ADAMTSL1: variants seen among roughly 807,000 people sequenced by gnomAD.
The protein encoded by ADAMTSL1 is ADAMTS-like protein 1.
A neutral mutation model predicts 201.8 loss-of-function variants in ADAMTSL1; 126 were observed. The ratio of observed to expected loss-of-function variants is 0.62; its 90% CI spans 0.54 to 0.72. The LOEUF (loss-of-function observed/expected upper bound fraction) is 0.72. ADAMTSL1 is among the 30% of genes least tolerant of loss of function. The probability of loss-of-function intolerance (pLI) is 0.00; values close to 1 mark genes in which losing one functional copy is unlikely to be tolerated. For synonymous variants in ADAMTSL1, 1,121 were observed against 903.4 expected (o/e 1.24, Z -4.32); for missense variants, 2,679 against 2,277.8 (o/e 1.18, Z -3.59).
At chr9:18,480,420 T>A (rs1821666432) in intron 1 of ADAMTSL1, among the ~76,000 whole-genome samples, 2 of 152,114 alleles carry the variant, frequency 1.3e-5, no homozygotes, top group Admixed American at 1.3e-4. Context: ...TAGAAAAAAC[T>A]TCATGACTCT....
chr9:18,503,511 T>C (rs1822957752), intron 1 of ADAMTSL1, among the ~76,000 whole-genome samples: 2 of 151,576 alleles, frequency 1.3e-5, no homozygotes, highest in South Asian at 4.2e-4. Context: ...GCTTTTTATG[T>C]ATCAACTCTT....
At chr9:18,141,249 G>C (rs1358019617) in intron 1 of ADAMTSL1, among the ~76,000 whole-genome samples, 2 of 152,144 alleles carry the variant, frequency 1.3e-5, no homozygotes, top group Non-Finnish European at 2.9e-5. Context: ...GGGGAGGAGA[G>C]TGGAAGAGCA....
At chr9:18,242,604 G>T (rs1273099970) in intron 2 of ADAMTSL1, among the ~76,000 whole-genome samples, 1 of 151,950 alleles carries the variant, frequency 6.6e-6, no homozygotes, top group African/African-American at 2.4e-5. Flanking sequence ...TCTATTACAT[G>T]TTAAAAAAAC....
chr9:18,739,899 C>CTGTGTGTGTGTG (rs5896804), intron 15 of ADAMTSL1, among the ~76,000 whole-genome samples: 1,787 of 148,210 alleles, frequency 0.012, 23 homozygotes, highest in African/African-American at 0.026. Flanking sequence ...TGTCTACTAT[C>CTGTGTGTGTGTG]TGTGTGTGTG....
At chr9:18,699,580 T>A (rs1307706278) in intron 13 of ADAMTSL1, among the ~76,000 whole-genome samples, 8 of 152,154 alleles carry the variant, frequency 5.3e-5, no homozygotes, top group African/African-American at 1.9e-4. Flanking sequence ...TCTTCCTGCC[T>A]TGGCCTCCAA....
Position 18,892,323 on chromosome 9 carries a change from G to A in ADAMTSL1, c.4644-66G>A, listed in dbSNP as rs1452867906. 3.3e-6 allele frequency: 5 copies of A among 1,493,982 alleles called. No homozygotes were observed. The African/African-American group carries it at 5.6e-5, about 17-fold the overall frequency. 92.5% of individuals were successfully genotyped at this position (1,493,982 alleles called of 1,614,324 possible). A position where few individuals can be genotyped will look rare whatever the true frequency, so the allele number is the denominator to read the frequency against. On this transcript the variant is annotated intron_variant, in intron 25 of 28. Transcript: ENST00000380548. ...TGGCAAGAGCAGGGATGTCGGTGGG[G>A]AGGAGGTCTCTTTTCCCCAGGGCCT...
chr9:18,591,591 C>G (rs948706490), intron 4 of ADAMTSL1, among the ~76,000 whole-genome samples: 3 of 152,100 alleles, frequency 2.0e-5, no homozygotes, highest in South Asian at 2.1e-4. Flanking sequence ...TAACCTCTCT[C>G]TTCCTTTTTT....
chr9:18,548,015 A>G (rs1434798397), intron 3 of ADAMTSL1, among the ~76,000 whole-genome samples: 2 of 152,022 alleles, frequency 1.3e-5, no homozygotes, highest in Admixed American at 1.3e-4. Flanking sequence ...CAACAAAATT[A>G]ACGTTCACAC....
chr9:18,149,231 T>C (rs771023693), intron 1 of ADAMTSL1, among the ~76,000 whole-genome samples: 1 of 151,914 alleles, frequency 6.6e-6, no homozygotes, highest in African/African-American at 2.4e-5. Flanking sequence ...TGAGTAAATA[T>C]AAACCTATAG....
At chr9:18,171,419 A>C (rs144471835) in intron 2 of ADAMTSL1, among the ~76,000 whole-genome samples, 1 of 152,230 alleles carries the variant, frequency 6.6e-6, no homozygotes, top group East Asian at 1.9e-4. Flanking sequence ...ATTATACTTT[A>C]AATTATATTA....
At chr9:18,338,869 T>A (rs1272324726) in intron 2 of ADAMTSL1, among the ~76,000 whole-genome samples, 1 of 152,170 alleles carries the variant, frequency 6.6e-6, no homozygotes, top group African/African-American at 2.4e-5. Flanking sequence ...AGTGAGAGTA[T>A]GTGGTATTTG....
intron 4 of ADAMTSL1, among the ~76,000 whole-genome samples, chr9:18,604,069 T>C (rs1319168081): frequency 6.6e-6 from 1 of 152,226 alleles, no homozygotes; most frequent in Non-Finnish European, 1.5e-5. Context: ...CCTGCATCCA[T>C]TGGCTGGAGC....
At chr9:18,513,108 C>T (rs1374514554) in intron 2 of ADAMTSL1, among the ~76,000 whole-genome samples, 1 of 152,170 alleles carries the variant, frequency 6.6e-6, no homozygotes, top group East Asian at 1.9e-4. Context: ...CTAATTCCCT[C>T]TTGGTTATTT....
At chr9:18,334,971 C>G (rs539828786) in intron 2 of ADAMTSL1, among the ~76,000 whole-genome samples, 231 of 152,202 alleles carry the variant, frequency 1.5e-3, no homozygotes, top group African/African-American at 4.9e-3. Context: ...GAGCCTCATG[C>G]ATGTAATCAT....
chr9:18,151,643 A>G (rs1302313837), intron 1 of ADAMTSL1, among the ~76,000 whole-genome samples: 2 of 152,062 alleles, frequency 1.3e-5, no homozygotes, highest in African/African-American at 4.8e-5. Flanking sequence ...GCCTTGCAGC[A>G]TGATCAGTAG....
chr9:18,871,898 G>A (rs139666976), intron 23 of ADAMTSL1, among the ~76,000 whole-genome samples: 10 of 152,170 alleles, frequency 6.6e-5, no homozygotes, highest in Middle Eastern at 3.4e-3. Flanking sequence ...ACCACTTCCC[G>A]TCTTCAGGCG....
rs1474088173 is a variant in ADAMTSL1, at chr9:17,920,470, A to G, written c.87+13548A>G. Among the ~76,000 whole-genome samples, 4 of 152,070 alleles carry G rather than the reference A, an allele frequency of 2.6e-5. No homozygotes were observed. In the East Asian group the frequency reaches 7.7e-4, roughly 29 times the overall value. ...ACTTTTGTGTCCAGAAAGTTATTCT[A>G]CTCTCACACTTGTTGCTTATTTTGC... On this transcript the variant is annotated intron_variant, in intron 1 of 29. Transcript: ENST00000680146.
At chr9:18,282,835 T>G (rs1457007791) in intron 2 of ADAMTSL1, among the ~76,000 whole-genome samples, 1 of 152,180 alleles carries the variant, frequency 6.6e-6, no homozygotes, top group Non-Finnish European at 1.5e-5. Flanking sequence ...AGACAGAGTT[T>G]GCAGTGAGCC....
At chr9:18,127,977 C>T (rs553967528) in intron 1 of ADAMTSL1, among the ~76,000 whole-genome samples, 19 of 152,194 alleles carry the variant, frequency 1.2e-4, no homozygotes, top group African/African-American at 4.6e-4. Flanking sequence ...TAGATTAAAG[C>T]TTAGGTGGTT....
Sources: gnomAD v4.1 joint callset for allele counts (sites outside exome capture counted in the v4.1 genomes callset) on GRCh38, gnomAD v4.1.1 for gene constraint, MANE v1.5 for transcripts, NCBI Gene and HGNC (gene_info 2026-07-23, HGNC 2026-07-21) for gene names.